The following CDH13 variants were observed in gnomAD, a reference collection of about 807,000 sequenced individuals.
CDH13 encodes the protein cadherin 13.
CDH13 carries 24 observed loss-of-function variants against 63.8 expected under a neutral mutation model. That is an observed-to-expected ratio of 0.38 (90% CI 0.27 to 0.53). The LOEUF (loss-of-function observed/expected upper bound fraction) is 0.53, where lower values mean the gene tolerates loss of function less well. CDH13 is among the 20% of genes least tolerant of loss of function. The pLI is 0.85. For missense variants in CDH13, 1,049 were observed against 903.1 expected (o/e 1.16, Z -2.07); for synonymous variants, 503 against 355.3 (o/e 1.42, Z -4.67).
intron 2 of CDH13, among the ~76,000 whole-genome samples, chr16:83,011,447 C>G (rs554569057): frequency 2.0e-5 from 3 of 152,164 alleles, no homozygotes; most frequent in East Asian, 1.9e-4. Flanking sequence ...ACAAGTAGTG[C>G]AAATCGAAAG....
intron 7 of CDH13, among the ~76,000 whole-genome samples, chr16:83,538,368 C>G (rs770098763): frequency 1.3e-5 from 2 of 152,158 alleles, no homozygotes; most frequent in Non-Finnish European, 2.9e-5. Context: ...CGTAGATGAT[C>G]AATCAGAATC....
chr16:83,457,161 C>A (rs765530797), intron 6 of CDH13, among the ~76,000 whole-genome samples: 1 of 152,110 alleles, frequency 6.6e-6, no homozygotes, highest in African/African-American at 2.4e-5. Context: ...ATGACCTTGG[C>A]GAGCTCCGCA....
intron 5 of CDH13, among the ~76,000 whole-genome samples, chr16:83,313,122 G>A (rs1006719295): frequency 5.3e-5 from 8 of 152,154 alleles, no homozygotes; most frequent in Non-Finnish European, 8.8e-5. Flanking sequence ...TCATGAGTTT[G>A]CAAACTGTTT....
intron 3 of CDH13, among the ~76,000 whole-genome samples, chr16:83,068,502 C>T (rs530501751): frequency 5.9e-5 from 9 of 152,096 alleles, no homozygotes; most frequent in African/African-American, 1.4e-4. Flanking sequence ...AGGCTGTATG[C>T]GGTACAATTC....
At chr16:83,792,932 A>G (rs1458573642) in intron 13 of CDH13, among the ~76,000 whole-genome samples, 1 of 152,184 alleles carries the variant, frequency 6.6e-6, no homozygotes, top group Non-Finnish European at 1.5e-5. Flanking sequence ...AAACCTAATC[A>G]TGGTAAAAAT....
At chr16:83,451,486 A>T (rs2072885964) in intron 6 of CDH13, among the ~76,000 whole-genome samples, 1 of 152,202 alleles carries the variant, frequency 6.6e-6, no homozygotes, top group East Asian at 1.9e-4. Flanking sequence ...GGGTGGGGAC[A>T]CAGCCAAACC....
intron 1 of CDH13, among the ~76,000 whole-genome samples, chr16:82,806,797 T>A (rs1438344978): frequency 1.3e-5 from 2 of 152,232 alleles, no homozygotes; most frequent in African/African-American, 2.4e-5. Context: ...AGCAGTGAAA[T>A]TTCAGATCCA....
At chr16:82,969,283 C>T (rs1908339654) in intron 2 of CDH13, among the ~76,000 whole-genome samples, 1 of 151,996 alleles carries the variant, frequency 6.6e-6, no homozygotes, top group Non-Finnish European at 1.5e-5. Context: ...TCTAATGGCC[C>T]TATACACGAT....
At chr16:83,790,958 C>A (rs1207019337) in intron 13 of CDH13, among the ~76,000 whole-genome samples, 1 of 152,066 alleles carries the variant, frequency 6.6e-6, no homozygotes, top group East Asian at 1.9e-4. Flanking sequence ...TTAACAAATA[C>A]CAAAAGTAAA....
At chr16:82,967,777 G>T (rs1250263581) in intron 2 of CDH13, among the ~76,000 whole-genome samples, 1 of 152,200 alleles carries the variant, frequency 6.6e-6, no homozygotes, top group East Asian at 1.9e-4. Context: ...GCAGGCTTTT[G>T]TGTCCTTACT....
chr16:83,409,564 G>C (rs906685864), intron 6 of CDH13, among the ~76,000 whole-genome samples: 2 of 152,190 alleles, frequency 1.3e-5, no homozygotes, highest in Non-Finnish European at 1.5e-5. Context: ...ATACTGGCTG[G>C]AGTTTCACCA....
At chr16:82,855,714 C>G (rs1159181978) in intron 1 of CDH13, among the ~76,000 whole-genome samples, 1 of 152,134 alleles carries the variant, frequency 6.6e-6, no homozygotes, top group Non-Finnish European at 1.5e-5. Flanking sequence ...CAGACCACAG[C>G]GTTCTTTTCA....
intron 10 of CDH13, among the ~76,000 whole-genome samples, chr16:83,742,267 C>G (rs1244337520): frequency 1.3e-5 from 2 of 152,128 alleles, no homozygotes; most frequent in African/African-American, 4.8e-5. Flanking sequence ...GGCGCAGGCC[C>G]CAGTAACCCC....
chr16:83,315,965 T>A (rs985292496), intron 5 of CDH13, among the ~76,000 whole-genome samples: 1 of 152,190 alleles, frequency 6.6e-6, no homozygotes, highest in Non-Finnish European at 1.5e-5. Context: ...TAACCCAAAT[T>A]ACTGGGTAAT....
intron 1 of CDH13, among the ~76,000 whole-genome samples, chr16:82,719,838 T>C: frequency 1.9e-5 from 2 of 105,756 alleles, no homozygotes; most frequent in African/African-American, 8.0e-5. Flanking sequence ...AGAGAGAGAC[T>C]CTGTCTCAAA....
At chr16:83,052,403 A>G (rs1313340071) in intron 3 of CDH13, among the ~76,000 whole-genome samples, 1 of 152,238 alleles carries the variant, frequency 6.6e-6, no homozygotes, top group Non-Finnish European at 1.5e-5. Flanking sequence ...GCAGAAAACC[A>G]CAATCATGTT....
intron 11 of CDH13, among the ~76,000 whole-genome samples, chr16:83,767,966 G>A (rs779827179): frequency 1.4e-4 from 21 of 151,448 alleles, no homozygotes; most frequent in Non-Finnish European, 2.2e-4. Flanking sequence ...ATTAATAGTC[G>A]CAAAAATAAA....
At chr16:83,408,538 G>A (rs957588087) in intron 6 of CDH13, among the ~76,000 whole-genome samples, 1 of 152,174 alleles carries the variant, frequency 6.6e-6, no homozygotes, top group African/African-American at 2.4e-5. Context: ...ACATAGAAAA[G>A]ATACCATAAA....
intron 5 of CDH13, among the ~76,000 whole-genome samples, chr16:83,251,494 C>G (rs1016980920): frequency 1.3e-5 from 2 of 152,146 alleles, no homozygotes; most frequent in African/African-American, 2.4e-5. Context: ...GTCTCCAAAG[C>G]TGAGATTCCC....
Sources: gnomAD v4.1 joint callset for allele counts (sites outside exome capture counted in the v4.1 genomes callset) on GRCh38, gnomAD v4.1.1 for gene constraint, MANE v1.5 for transcripts, NCBI Gene and HGNC (gene_info 2026-07-23, HGNC 2026-07-21) for gene names.